WBP2NL: variants seen among roughly 807,000 people sequenced by gnomAD.
The protein encoded by WBP2NL is WBP2 N-terminal like.
Under a neutral mutation model 23.3 loss-of-function variants are expected in WBP2NL, and 27 were observed. The observed-to-expected ratio is 1.16, with a 90% confidence interval of 0.85 to 1.60. WBP2NL has a LOEUF of 1.60. Among genes scored for constraint, WBP2NL ranks in the 40% most tolerant of loss-of-function variants. The pLI is 0.00. For missense variants in WBP2NL, 370 were observed against 389.5 expected (o/e 0.95, Z 0.42); for synonymous variants, 151 against 145.9 (o/e 1.03, Z -0.25).
intron 8 of WBP2NL, among the ~76,000 whole-genome samples, chr22:42,045,072 C>T (rs188631723): frequency 1.3e-5 from 2 of 152,162 alleles, no homozygotes; most frequent in Non-Finnish European, 2.9e-5. Flanking sequence ...CTTAATCAAT[C>T]CTCTTGTCTC....
rs1924591437 is a variant in WBP2NL at position 42,027,155 on chromosome 22, G to T, written c.904G>T (p.Ala302Ser). 1 of 1,613,576 alleles carries T rather than the reference G, an allele frequency of 6.2e-7. No homozygotes were observed. The highest frequency in any genetic ancestry group is 2.2e-5 in the East Asian group (1 of 44,888). Residue 302 changes from alanine (A) to serine (S), a missense_variant, in exon 6 of 6, where the codon GCC becomes TCC. Coordinates refer to ENST00000328823, the MANE Select transcript of WBP2NL (RefSeq NM_152613.3). ...APENEASLPSASSSQVHS is the reference protein window; with the variant it reads ...APENEASLPSSSSSQVHS ...TGAAAACGAGGCTTCTCTTCCCTCTGCCTCCTCTTCTCAGGTCCATTCTTA... is the reference window on the plus strand; with the variant it reads ...TGAAAACGAGGCTTCTCTTCCCTCTTCCTCCTCTTCTCAGGTCCATTCTTA...
intron 5 of WBP2NL, 129 bp downstream of exon 5, chr22:42,022,485 A>G (rs1471095351): frequency 2.5e-6 from 2 of 813,666 alleles, no homozygotes; most frequent in African/African-American, 1.8e-5. Flanking sequence ...AAATGGTCAC[A>G]TCTGTGACTT....
chr22:42,008,689 C>G lies in WBP2NL; in HGVS notation c.62+9809C>G, dbSNP rs553141100. ...ATGGTGCGATCTCAGCTCACTGCAACCTCTGCCTCCCAGGTTCAAGTGATT... is the reference window on the plus strand; with the variant it reads ...ATGGTGCGATCTCAGCTCACTGCAAGCTCTGCCTCCCAGGTTCAAGTGATT... On this transcript the variant is annotated intron_variant, in intron 1 of 5. Coordinates refer to ENST00000328823, the MANE Select transcript of WBP2NL (RefSeq NM_152613.3). Among the ~76,000 whole-genome samples, 4 of 151,986 alleles carry G rather than the reference C, an allele frequency of 2.6e-5. No individual in the cohort carries two copies. The South Asian group carries it at 8.3e-4, about 32-fold the overall frequency.
chr22:42,020,825 A>T, intron 4 of WBP2NL, among the ~76,000 whole-genome samples: 1 of 127,738 alleles, frequency 7.8e-6, no homozygotes, highest in African/African-American at 2.9e-5. Context: ...TCAAACTGTG[A>T]CTACAAATAA....
chr22:42,032,710 G>T (rs751440067), downstream of WBP2NL: 1 of 466,970 alleles, frequency 2.1e-6, no homozygotes, highest in South Asian at 1.6e-5. Context: ...GGAGCCTGAA[G>T]AGGGTGGGGC....
intron 1 of WBP2NL, among the ~76,000 whole-genome samples, chr22:42,002,163 C>T (rs1045700154): frequency 1.3e-5 from 2 of 152,214 alleles, no homozygotes; most frequent in Non-Finnish European, 2.9e-5. Flanking sequence ...CACAGAAACA[C>T]TGATTTTTGT....
rs373856312 is a variant in WBP2NL at position 42,019,299 on chromosome 22, C to A, written c.63-12C>A. On this transcript the variant is annotated splice_polypyrimidine_tract_variant and intron_variant, in intron 1 of 5. Coordinates refer to ENST00000328823, the MANE Select transcript of WBP2NL (RefSeq NM_152613.3). ...TCTTTATTGTGTGCCGTCTGTTCCTCATTTTCTACAGTCTCTTGAAGCGGT... is the reference window on the plus strand; with the variant it reads ...TCTTTATTGTGTGCCGTCTGTTCCTAATTTTCTACAGTCTCTTGAAGCGGT... 30 of 1,607,420 alleles carry A rather than the reference C, an allele frequency of 1.9e-5. No homozygotes were observed. The African/African-American group carries it at 3.6e-4, about 19-fold the overall frequency.
At chr22:42,049,353 A>G (rs1231354849) in intron 8 of WBP2NL, among the ~76,000 whole-genome samples, 2 of 152,124 alleles carry the variant, frequency 1.3e-5, no homozygotes, top group Non-Finnish European at 2.9e-5. Flanking sequence ...AATTAACTCA[A>G]TATAGACCTA....
intron 8 of WBP2NL, among the ~76,000 whole-genome samples, chr22:42,046,135 C>T (rs1166200794): frequency 1.3e-5 from 2 of 152,210 alleles, no homozygotes; most frequent in Non-Finnish European, 2.9e-5. Flanking sequence ...AACCATTTAA[C>T]CTTCTTTGTT....
chr22:42,024,231 A>G (rs910766434), intron 5 of WBP2NL, among the ~76,000 whole-genome samples: 4 of 152,226 alleles, frequency 2.6e-5, no homozygotes, highest in Non-Finnish European at 4.4e-5. Context: ...TTGTGTATTC[A>G]TTCCTCCATT....
At chr22:42,057,598 G>C (rs560002162) in intron 8 of WBP2NL, among the ~76,000 whole-genome samples, 4 of 150,810 alleles carry the variant, frequency 2.7e-5, no homozygotes, top group Admixed American at 1.3e-4. Context: ...CAAGCTTTTG[G>C]CTAATTTCCA....
Position 42,019,391 on chromosome 22 carries a change from C to CA in WBP2NL, c.144dup (p.Gly49ArgfsTer20). The CA allele has an allele frequency of 6.2e-7, 1 of 1,614,154 alleles. No individual in the cohort carries two copies. Among genetic ancestry groups the CA allele is most frequent in the Non-Finnish European group, 8.5e-7 (1 of 1,180,004 alleles). On this transcript the variant is annotated frameshift_variant, in exon 2 of 6. Transcript: ENST00000328823. LOFTEE classifies it high-confidence loss of function. Reference sequence around the variant, plus strand: ...TCAAATGTCTTTAGTGGTAGAAAGACAGGAACATTGTTTCTCACTTCATAC... The same window carrying CA: ...TCAAATGTCTTTAGTGGTAGAAAGACAAGGAACATTGTTTCTCACTTCATAC...
chr22:42,055,360 A>G (rs922616963), intron 8 of WBP2NL, among the ~76,000 whole-genome samples: 2 of 152,302 alleles, frequency 1.3e-5, no homozygotes, highest in East Asian at 3.9e-4. Context: ...TTTTTAGTAG[A>G]GATGGGGTTT....
intron 5 of WBP2NL, among the ~76,000 whole-genome samples, chr22:42,024,435 T>A (rs750329074): frequency 6.6e-5 from 10 of 152,202 alleles, no homozygotes; most frequent in Non-Finnish European, 1.5e-4. Context: ...GCTGCACTAT[T>A]TTACATTCCT....
chr22:42,023,974 C>T (rs1426755895), intron 5 of WBP2NL, among the ~76,000 whole-genome samples: 3 of 152,190 alleles, frequency 2.0e-5, no homozygotes, highest in Non-Finnish European at 2.9e-5. Flanking sequence ...ACCTAATAGC[C>T]ACTAAGAAGT....
intron 1 of WBP2NL, among the ~76,000 whole-genome samples, chr22:42,002,236 G>A (rs1219348064): frequency 2.6e-5 from 4 of 152,052 alleles, no homozygotes; most frequent in African/African-American, 4.8e-5. Flanking sequence ...AGCATTTATC[G>A]AACACTATTT....
At chr22:42,031,839 G>T (rs958129659), downstream of WBP2NL, 1 of 152,096 alleles carries the variant, frequency 6.6e-6, no homozygotes, top group African/African-American at 2.4e-5. Flanking sequence ...TGGATGACAG[G>T]TGCCTGCCAC....
downstream of WBP2NL, chr22:42,029,982 A>G (rs766467697): frequency 2.6e-5 from 4 of 152,228 alleles, no homozygotes; most frequent in Non-Finnish European, 4.4e-5. Flanking sequence ...TTAGGAAACC[A>G]GATGCTCCCA....
chr22:42,029,361 C>T (rs1180035069), downstream of WBP2NL, among the ~76,000 whole-genome samples: 1 of 144,950 alleles, frequency 6.9e-6, no homozygotes, highest in Non-Finnish European at 1.5e-5. Context: ...ACATTTAAAT[C>T]AATATATTTT....
Sources: gnomAD v4.1 joint callset for allele counts (sites outside exome capture counted in the v4.1 genomes callset) on GRCh38, gnomAD v4.1.1 for gene constraint, MANE v1.5 for transcripts, NCBI Gene and HGNC (gene_info 2026-07-23, HGNC 2026-07-21) for gene names.